The following ZC3H12B variants were observed in gnomAD, a reference collection of about 807,000 sequenced individuals.
ZC3H12B encodes the protein probable ribonuclease ZC3H12B.
In ZC3H12B, 7 loss-of-function variants were observed where a neutral mutation model predicts 43.9. That is an observed-to-expected ratio of 0.16 (90% CI 0.09 to 0.30). The LOEUF is 0.30. ZC3H12B is among the 10% of genes least tolerant of loss of function. The pLI is 1.00. For missense variants in ZC3H12B, 475 were observed against 670.2 expected (o/e 0.71, Z 3.22); for synonymous variants, 222 against 241.7 (o/e 0.92, Z 0.76).
At chrX:65,143,249 T>G in the ZC3H12B span, among the ~76,000 whole-genome samples, 1 of 111,258 alleles carries the variant, frequency 9.0e-6, no homozygotes, top group Non-Finnish European at 1.9e-5. Context: ...TAAGGTTTTT[T>G]TGTTTCTTTG....
the ZC3H12B span, among the ~76,000 whole-genome samples, chrX:65,342,175 A>T: frequency 1.8e-5 from 2 of 112,060 alleles, no homozygotes; most frequent in Non-Finnish European, 3.8e-5. Context: ...AAAGAAGGGC[A>T]TTACATGATG....
At chrX:65,404,734 T>C (rs139067609) in intron 3 of ZC3H12B, among the ~76,000 whole-genome samples, 1 of 111,619 alleles carries the variant, frequency 9.0e-6, no homozygotes, top group Non-Finnish European at 1.9e-5. Flanking sequence ...AAGAGAGAGA[T>C]AGTTCCCAAT....
chrX:65,174,252 G>T, the ZC3H12B span, among the ~76,000 whole-genome samples: 2 of 112,295 alleles, frequency 1.8e-5, no homozygotes, highest in African/African-American at 3.2e-5. Flanking sequence ...GATGCAGTCT[G>T]TCCCTTAGCA....
chrX:65,159,958 A>G, the ZC3H12B span, among the ~76,000 whole-genome samples: 2 of 112,018 alleles, frequency 1.8e-5, no homozygotes, highest in African/African-American at 6.5e-5. Flanking sequence ...ATTTATTGAG[A>G]AATTTTAGCA....
At chrX:65,195,182 G>T in the ZC3H12B span, among the ~76,000 whole-genome samples, 6 of 107,906 alleles carry the variant, frequency 5.6e-5, no homozygotes, top group Admixed American at 5.0e-4. Context: ...GATGAGTAAG[G>T]GTTTACTTCT....
intron 3 of ZC3H12B, among the ~76,000 whole-genome samples, chrX:65,462,564 T>C (rs2067765880): frequency 8.9e-6 from 1 of 111,782 alleles, no homozygotes; most frequent in African/African-American, 3.2e-5. Context: ...AAAAGTAATG[T>C]TTTATTTGCT....
At chrX:65,055,209 A>T in the ZC3H12B span, among the ~76,000 whole-genome samples, 2 of 111,471 alleles carry the variant, frequency 1.8e-5, no homozygotes, top group Non-Finnish European at 3.8e-5. Context: ...TCAGTATGAT[A>T]TTGGCTGTGG....
the ZC3H12B span, among the ~76,000 whole-genome samples, chrX:65,093,243 T>A: frequency 1.8e-5 from 2 of 111,969 alleles, no homozygotes. Flanking sequence ...GATGTCTAGG[T>A]GGAAGCCTGA....
chrX:65,113,985 GTATATA>G, the ZC3H12B span, among the ~76,000 whole-genome samples: 1,121 of 47,412 alleles, frequency 0.024, 42 homozygotes, highest in African/African-American at 0.057. Flanking sequence ...AGATATGCTT[GTATATA>G]TATATATATA....
the ZC3H12B span, among the ~76,000 whole-genome samples, chrX:65,121,591 CA>C: frequency 9.0e-6 from 1 of 110,978 alleles, no homozygotes; most frequent in Admixed American, 9.6e-5. Context: ...TTGATCTTTT[CA>C]AAAAACCAGC....
chrX:65,157,921 C>G, the ZC3H12B span, among the ~76,000 whole-genome samples: 2 of 65,142 alleles, frequency 3.1e-5, no homozygotes, highest in South Asian at 3.6e-3. Flanking sequence ...ATCCCTCCCC[C>G]CTCCCCCCAC....
chrX:65,258,786 G>T, the ZC3H12B span, among the ~76,000 whole-genome samples: 2 of 111,210 alleles, frequency 1.8e-5, 1 homozygote, highest in South Asian at 7.5e-4. Flanking sequence ...TGCAAGATGA[G>T]AATCAAATTA....
chrX:65,389,178 T>C (rs2066574883), intron 2 of ZC3H12B, among the ~76,000 whole-genome samples: 2 of 112,216 alleles, frequency 1.8e-5, no homozygotes, highest in Non-Finnish European at 3.8e-5. Context: ...GACAGGGACA[T>C]TTAAGTCTGC....
chrX:65,359,157 GA>G, the ZC3H12B span, among the ~76,000 whole-genome samples: 137 of 104,369 alleles, frequency 1.3e-3, no homozygotes, highest in African/African-American at 2.6e-3. Context: ...GACTGCCTCA[GA>G]AAAAAAAAAA....
In ZC3H12B at chrX:65,377,894, C is replaced by G. The variant is rs760362771; in HGVS notation, n.295+8896C>G. Among the ~76,000 whole-genome samples the G allele has an allele frequency of 3.3e-4, 37 of 110,767 alleles. 1 individual carries two copies. Among genetic ancestry groups the G allele is most frequent in the Non-Finnish European group, 5.5e-4 (29 of 53,006 alleles). On this transcript the variant is annotated intron_variant and non_coding_transcript_variant, in intron 2 of 5. Transcript: ENST00000617377. ...TGGGCAGATCACGAGGTCAGGAGAT[C>G]AAGACCATCCTGGCAAACACGGTGA...
At chrX:65,182,561 AAATT>A in the ZC3H12B span, among the ~76,000 whole-genome samples, 2 of 111,204 alleles carry the variant, frequency 1.8e-5, no homozygotes, top group African/African-American at 6.5e-5. Context: ...TGTAACAAAA[AAATT>A]AAGAAATATG....
At chrX:65,238,489 CTTCTTTA>C in the ZC3H12B span, among the ~76,000 whole-genome samples, 1 of 110,539 alleles carries the variant, frequency 9.0e-6, no homozygotes, top group African/African-American at 3.3e-5. Flanking sequence ...TCTCTCTTTT[CTTCTTTA>C]TTAGTCTAGA....
the ZC3H12B span, among the ~76,000 whole-genome samples, chrX:65,171,489 C>T: frequency 9.0e-6 from 1 of 110,888 alleles, no homozygotes; most frequent in African/African-American, 3.3e-5. Flanking sequence ...CTCGGGGGTC[C>T]GAGACCCACT....
intron 3 of ZC3H12B, among the ~76,000 whole-genome samples, chrX:65,453,350 G>T (rs1209662814): frequency 1.5e-5 from 1 of 67,835 alleles, no homozygotes; most frequent in African/African-American, 5.8e-5. Flanking sequence ...TATGGAACCA[G>T]CTCAAATGCA....
Sources: gnomAD v4.1 joint callset for allele counts (sites outside exome capture counted in the v4.1 genomes callset) on GRCh38, gnomAD v4.1.1 for gene constraint, MANE v1.5 for transcripts, NCBI Gene and HGNC (gene_info 2026-07-23, HGNC 2026-07-21) for gene names.